CLPB: variants seen among roughly 807,000 people sequenced by gnomAD.
CLPB encodes ClpB family mitochondrial disaggregase, also known as mitochondrial disaggregase.
In CLPB, 40 loss-of-function variants were observed where a neutral mutation model predicts 78.4. The ratio of observed to expected loss-of-function variants is 0.51; its 90% CI spans 0.40 to 0.66. CLPB has a LOEUF of 0.66. Ranked by LOEUF, CLPB falls within the 30% of genes least tolerant of loss-of-function variation. CLPB has a pLI of 0.00. For synonymous variants in CLPB, 333 were observed against 348.0 expected (o/e 0.96, Z 0.48); for missense variants, 780 against 886.9 (o/e 0.88, Z 1.53).
intron 5 of CLPB, chr11:72,354,287 A>T (rs972367275): frequency 1.5e-5 from 6 of 396,742 alleles, no homozygotes; most frequent in Non-Finnish European, 2.2e-5. Context: ...GTATATATAT[A>T]TATATATATA....
chr11:72,333,672 T>G (rs545098804), intron 5 of CLPB, among the ~76,000 whole-genome samples: 3 of 152,256 alleles, frequency 2.0e-5, no homozygotes, highest in African/African-American at 7.2e-5. Context: ...GTCATCAGTG[T>G]GCTGAAGGAG....
At chr11:72,308,487 C>G in intron 8 of CLPB, 40 bp downstream of exon 8, 1 of 1,586,190 alleles carries the variant, frequency 6.3e-7, no homozygotes, top group Non-Finnish European at 8.7e-7. Flanking sequence ...GGGCACTACC[C>G]TAGCTCTCTG....
At position 72,288,745 on chromosome 11, in the gene CLPB, T is replaced by C. The variant is rs957121986; in HGVS notation, c.*4622A>G. ...GTGAATGGCTGAACAGCTTGGCATC[T>C]GCCCTCTTAGAACTTACATTCTAGT... On this transcript the variant is annotated 3_prime_UTR_variant, in exon 16 of 16. Transcript: ENST00000538039. 8 of 152,212 alleles carry C rather than the reference T, an allele frequency of 5.3e-5. No individual in the cohort carries two copies. Among genetic ancestry groups the C allele is most frequent in the Non-Finnish European group, 1.0e-4 (7 of 68,074 alleles). The allele number at this position is 152,212 out of a possible 1,614,324, so 9.4% of individuals were successfully genotyped here.
At chr11:72,350,013 T>C (rs1005702677) in intron 5 of CLPB, among the ~76,000 whole-genome samples, 2 of 152,248 alleles carry the variant, frequency 1.3e-5, no homozygotes, top group Non-Finnish European at 2.9e-5. Context: ...GGGGCCTGGA[T>C]GGCAAGTGGC....
At chr11:72,415,347 G>A (rs368233427) in intron 2 of CLPB, among the ~76,000 whole-genome samples, 29 of 152,254 alleles carry the variant, frequency 1.9e-4, no homozygotes, top group East Asian at 1.4e-3. Context: ...TTTAGCATGC[G>A]TCAGCACACC....
chr11:72,316,142 C>T (rs545793180), intron 7 of CLPB, among the ~76,000 whole-genome samples: 9 of 152,312 alleles, frequency 5.9e-5, no homozygotes, highest in African/African-American at 1.4e-4. Flanking sequence ...GCATACCACA[C>T]GACCAGGTAG....
At chr11:72,381,788 T>G (rs1253848603) in intron 3 of CLPB, among the ~76,000 whole-genome samples, 2 of 151,918 alleles carry the variant, frequency 1.3e-5, no homozygotes, top group African/African-American at 4.8e-5. Flanking sequence ...ACCAGGTCAG[T>G]ACCCCTGGCC....
intron 2 of CLPB, among the ~76,000 whole-genome samples, chr11:72,425,143 AGCATATATTTATG>A (rs111985561): frequency 1.3e-5 from 2 of 152,266 alleles, no homozygotes; most frequent in African/African-American, 4.8e-5. Context: ...GCTAATCTGG[AGCATATATTTATG>A]GCAACTTGAA....
intron 6 of CLPB, among the ~76,000 whole-genome samples, chr11:72,326,683 A>G (rs1950138865): frequency 6.6e-6 from 1 of 152,080 alleles, no homozygotes; most frequent in Non-Finnish European, 1.5e-5. Context: ...CCCAGGCTGG[A>G]GCTTCAGCAG....
intron 6 of CLPB, among the ~76,000 whole-genome samples, chr11:72,329,387 C>T (rs1335458497): frequency 6.6e-6 from 1 of 152,018 alleles, no homozygotes; most frequent in East Asian, 1.9e-4. Context: ...TGGCTAGAAC[C>T]CCCTCCTCTG....
At chr11:72,354,441 C>G (rs903450112) in intron 5 of CLPB, 24 of 398,050 alleles carry the variant, frequency 6.0e-5, no homozygotes, top group African/African-American at 3.3e-4. Flanking sequence ...GAAGATGGAT[C>G]TGCCGGTGGG....
intron 4 of CLPB, among the ~76,000 whole-genome samples, chr11:72,360,792 A>G (rs759927576): frequency 1.7e-4 from 26 of 152,198 alleles, no homozygotes; most frequent in Non-Finnish European, 3.2e-4. Context: ...TGGTCACTTC[A>G]CACAATCTTA....
chr11:72,377,036 A>G (rs1854725181), intron 4 of CLPB, among the ~76,000 whole-genome samples: 1 of 152,212 alleles, frequency 6.6e-6, no homozygotes. Flanking sequence ...AAGAACAATA[A>G]ATCAACATGC....
chr11:72,429,222 C>T (rs1169300734), intron 2 of CLPB: 1 of 152,192 alleles, frequency 6.6e-6, no homozygotes, highest in African/African-American at 2.4e-5. Flanking sequence ...TAAACTATTG[C>T]TCCAACATAT....
chr11:72,389,493 T>C (rs1855182828), intron 3 of CLPB, among the ~76,000 whole-genome samples: 1 of 152,246 alleles, frequency 6.6e-6, no homozygotes, highest in Non-Finnish European at 1.5e-5. Context: ...GGTATAAGGC[T>C]AGGTCTTCAC....
chr11:72,297,347 C>T (rs1261572033), intron 11 of CLPB, among the ~76,000 whole-genome samples: 2 of 152,220 alleles, frequency 1.3e-5, no homozygotes, highest in Admixed American at 6.5e-5. Flanking sequence ...GTGCATCAAC[C>T]GAGCTAGCTT....
At chr11:72,428,181 A>C (rs991802666) in intron 2 of CLPB, among the ~76,000 whole-genome samples, 1 of 152,058 alleles carries the variant, frequency 6.6e-6, no homozygotes, top group African/African-American at 2.4e-5. Context: ...CATAATCAAG[A>C]GCTGCTTTGG....
intron 5 of CLPB, among the ~76,000 whole-genome samples, chr11:72,330,926 C>CAG (rs1330722066): frequency 6.6e-6 from 1 of 152,160 alleles, no homozygotes; most frequent in African/African-American, 2.4e-5. Context: ...CCAATTAGCA[C>CAG]AGGGCATGGC....
chr11:72,343,519 G>A (rs1950458761), intron 5 of CLPB, among the ~76,000 whole-genome samples: 1 of 152,070 alleles, frequency 6.6e-6, no homozygotes, highest in African/African-American at 2.4e-5. Context: ...TGCCAACAAG[G>A]ACTCTTCCAG....
Sources: allele counts gnomAD v4.1 joint callset (sites outside exome capture counted in the v4.1 genomes callset), GRCh38; gene constraint gnomAD v4.1.1; transcripts MANE v1.5; gene names NCBI Gene and HGNC (gene_info 2026-07-23, HGNC 2026-07-21).